TEK: variants seen among roughly 807,000 people sequenced by gnomAD.
TEK encodes angiopoietin-1 receptor.
TEK carries 43 observed loss-of-function variants against 131.8 expected under a neutral mutation model. That is an observed-to-expected ratio of 0.33 (90% confidence interval 0.26 to 0.42). The LOEUF (loss-of-function observed/expected upper bound fraction) is 0.42. Among genes scored for constraint, TEK ranks in the 10% least tolerant of loss-of-function variants. The pLI, the probability that TEK is intolerant of heterozygous loss-of-function variation, is 1.00. For synonymous variants in TEK, 580 were observed against 491.6 expected, an observed-to-expected ratio of 1.18 and a Z score of -2.38; for missense variants, 1,162 against 1,384.4, an observed-to-expected ratio of 0.84 and a Z score of 2.55.
intron 21 of TEK, among the ~76,000 whole-genome samples, chr9:27,223,966 G>C (rs769359761): frequency 6.6e-6 from 1 of 152,204 alleles, no homozygotes; most frequent in Non-Finnish European, 1.5e-5. Flanking sequence ...ACTACCATCA[G>C]AGAATACTAT....
Position 27,217,704 on chromosome 9 carries a change from G to A in TEK, c.3008G>A (p.Arg1003His), listed in dbSNP as rs773518368. ...VKKTMGRLPV[R>H]WMAIESLNYS... is the part of the protein sequence containing the mutation. ...TCTCTCCAGGGAAGGCTCCCAGTGC[G>A]CTGGATGGCCATCGAGTCACTGAAT... Residue 1003 changes from arginine to histidine, a missense_variant, in exon 19 of 23, where the codon CGC becomes CAC. Around this residue, in one of 6 missense-constraint regions of TEK, gnomAD observed 107 missense variants for 173.9 expected, o/e 0.62. Transcript: ENST00000380036. 8 of 1,613,778 alleles carry A rather than the reference G, an allele frequency of 5.0e-6. No individual in the cohort carries two copies. The highest frequency in any genetic ancestry group is 1.3e-5 in the African/African-American group (1 of 75,024).
At chr9:27,164,590 A>G (rs897258031) in intron 2 of TEK, among the ~76,000 whole-genome samples, 15 of 152,184 alleles carry the variant, frequency 9.9e-5, no homozygotes, top group Non-Finnish European at 1.8e-4. Context: ...AAGTGCTGGG[A>G]TTACAGGCGT....
intron 1 of TEK, among the ~76,000 whole-genome samples, chr9:27,156,636 G>A (rs1275420225): frequency 6.6e-6 from 1 of 152,184 alleles, no homozygotes; most frequent in Non-Finnish European, 1.5e-5. Flanking sequence ...GCCTTCAATA[G>A]CTGTGGAAAA....
chr9:27,172,893 G>A (rs1824013329), intron 5 of TEK, 146 bp downstream of exon 5: 1 of 1,181,832 alleles, frequency 8.5e-7, no homozygotes, highest in Admixed American at 2.1e-5. Context: ...TTAGAAAAAG[G>A]TGCCTTTTCC....
intron 1 of TEK, 80 bp downstream of exon 1, chr9:27,109,722 C>T: frequency 7.0e-7 from 1 of 1,428,982 alleles, no homozygotes; most frequent in Admixed American, 1.7e-5. Flanking sequence ...CCCCAAATCT[C>T]ATCAGTGCTG....
chr9:27,110,172 C>CTTTT (rs56159018), intron 1 of TEK, among the ~76,000 whole-genome samples: 4,605 of 144,824 alleles, frequency 0.032, 226 homozygotes, highest in African/African-American at 0.11. Context: ...AAATTGTAGG[C>CTTTT]TTTTTTTTTT....
At chr9:27,129,820 G>A (rs141547235) in intron 1 of TEK, among the ~76,000 whole-genome samples, 83 of 152,204 alleles carry the variant, frequency 5.5e-4, no homozygotes, top group Non-Finnish European at 9.9e-4. Context: ...CCTAGACCAG[G>A]CTCTGGCCAC....
chr9:27,159,609 C>T (rs1259623155), intron 2 of TEK, among the ~76,000 whole-genome samples: 1 of 152,200 alleles, frequency 6.6e-6, no homozygotes, highest in Non-Finnish European at 1.5e-5. Context: ...AGACTTGCTA[C>T]CACCCCACAA....
chr9:27,134,249 CAT>C (rs1822332420), intron 1 of TEK, among the ~76,000 whole-genome samples: 1 of 152,174 alleles, frequency 6.6e-6, no homozygotes, highest in East Asian at 1.9e-4. Context: ...TTCATATTAA[CAT>C]TGTATGTACT....
chr9:27,187,487 A>C (rs1391914238), intron 9 of TEK, among the ~76,000 whole-genome samples: 1 of 152,174 alleles, frequency 6.6e-6, no homozygotes, highest in African/African-American at 2.4e-5. Flanking sequence ...TTCAAAAAAG[A>C]CATCTTCAAG....
intron 1 of TEK, among the ~76,000 whole-genome samples, chr9:27,115,622 T>A (rs1821524626): frequency 6.6e-6 from 1 of 152,214 alleles, no homozygotes; most frequent in East Asian, 1.9e-4. Context: ...GTAGGTTGAT[T>A]TTTCTGTCTT....
At position 27,168,605 on chromosome 9, in the gene TEK, G is replaced by C; in HGVS notation, c.475G>C (p.Gly159Arg). ...KEEDAVIYKN[G>R]SFIHSVPRHE... ...AGAAGATGCAGTGATTTACAAAAATGGTGAGTATGTGTTTCATTGCTTTCC... is the reference window on the plus strand; with the variant it reads ...AGAAGATGCAGTGATTTACAAAAATCGTGAGTATGTGTTTCATTGCTTTCC... Residue 159 changes from glycine (G) to arginine (R), a missense_variant and splice_region_variant, in exon 3 of 23, where the codon GGT becomes CGT. Gly to Arg is a moderately radical substitution (Grantham distance 125). This residue lies in a region of TEK where 436 missense variants were observed against 539.1 expected (regional missense o/e 0.81). Transcript: ENST00000380036. The C allele has an allele frequency of 6.3e-7, 1 of 1,592,752 alleles. No homozygotes were observed. Among genetic ancestry groups the C allele is most frequent in the South Asian group, 1.1e-5 (1 of 90,436 alleles).
chr9:27,118,384 C>T (rs1367485473), intron 1 of TEK, among the ~76,000 whole-genome samples: 1 of 152,002 alleles, frequency 6.6e-6, no homozygotes, highest in Non-Finnish European at 1.5e-5. Flanking sequence ...CTTGTAATCC[C>T]AGCACTTTGG....
chr9:27,168,431 C>A, intron 2 of TEK, 64 bp from the exon 3 acceptor site: 1 of 1,306,328 alleles, frequency 7.7e-7, no homozygotes, highest in Non-Finnish European at 1.1e-6. Context: ...AGTCTCAAAG[C>A]TCAATTGCTC....
At chr9:27,135,927 A>C (rs2131071568) in intron 1 of TEK, among the ~76,000 whole-genome samples, 1 of 152,316 alleles carries the variant, frequency 6.6e-6, no homozygotes, top group Middle Eastern at 3.4e-3. Flanking sequence ...CAAAAGATTC[A>C]ATTTTAAAAA....
chr9:27,211,552 C>A (rs1184677332), intron 16 of TEK, among the ~76,000 whole-genome samples: 1 of 149,878 alleles, frequency 6.7e-6, no homozygotes, highest in Non-Finnish European at 1.5e-5. Context: ...TCCCTGGGCT[C>A]AAGCAGTCTT....
intron 13 of TEK, among the ~76,000 whole-genome samples, chr9:27,204,555 T>G (rs1229000532): frequency 6.6e-6 from 1 of 152,192 alleles, no homozygotes; most frequent in East Asian, 1.9e-4. Context: ...GTTTAGTCAC[T>G]CTCTCAAAGT....
chr9:27,168,545 G>A lies in TEK; in HGVS notation c.415G>A (p.Val139Met), dbSNP rs1823826756. ...TATGACTGTGGACAAGGGAGATAAC[G>A]TGAACATATCTTTCAAAAAGGTATT... ...LTMTVDKGDN[V>M]NISFKKVLIK... Residue 139 changes from valine (V) to methionine (M), a missense_variant, in exon 3 of 23, where the codon GTG becomes ATG. Transcript: ENST00000380036. 9 of 1,613,922 alleles carry A rather than the reference G, an allele frequency of 5.6e-6. No individual in the cohort carries two copies. Among genetic ancestry groups the A allele is most frequent in the Non-Finnish European group, 7.6e-6 (9 of 1,179,898 alleles).
intron 9 of TEK, among the ~76,000 whole-genome samples, chr9:27,189,811 T>C (rs899609951): frequency 1.3e-5 from 2 of 152,114 alleles, no homozygotes; most frequent in Non-Finnish European, 2.9e-5. Context: ...GTCTGACTTC[T>C]GACTTCTAGA....
Sources: allele counts gnomAD v4.1 joint callset (sites outside exome capture counted in the v4.1 genomes callset), GRCh38; gene constraint gnomAD v4.1.1; regional missense constraint gnomAD v4.1.1; transcripts MANE v1.5; gene names NCBI Gene and HGNC (gene_info 2026-07-23, HGNC 2026-07-21).